Variants in MAF observed in about 807,000 individuals in gnomAD.
The protein encoded by MAF is MAF bZIP transcription factor.
In MAF, 10 loss-of-function variants were observed where a neutral mutation model predicts 22.0. The ratio of observed to expected loss-of-function variants is 0.45; its 90% CI spans 0.28 to 0.77. The LOEUF (loss-of-function observed/expected upper bound fraction) is 0.77, where lower values mean the gene tolerates loss of function less well. Among genes scored for constraint, MAF ranks in the 30% least tolerant of loss-of-function variants. The pLI is 0.12. For synonymous variants in MAF, 337 were observed against 255.8 expected (o/e 1.32, Z -3.03); for missense variants, 544 against 548.4 (o/e 0.99, Z 0.08).
At chr16:79,496,716 C>T in the MAF span, among the ~76,000 whole-genome samples, 1 of 152,162 alleles carries the variant, frequency 6.6e-6, no homozygotes, top group African/African-American at 2.4e-5. Context: ...AATGCAAGCA[C>T]ATTTAATAAA....
the MAF span, among the ~76,000 whole-genome samples, chr16:79,210,273 A>G: frequency 2.0e-5 from 3 of 152,212 alleles, no homozygotes; most frequent in Non-Finnish European, 4.4e-5. Context: ...AGTCTGCCTT[A>G]TGGCAGATTC....
At chr16:79,241,384 T>C in the MAF span, among the ~76,000 whole-genome samples, 2 of 152,024 alleles carry the variant, frequency 1.3e-5, 1 homozygote, top group Non-Finnish European at 2.9e-5. Context: ...GCATGAGAAC[T>C]TCATGAAGCA....
chr16:79,410,761 G>A, the MAF span, among the ~76,000 whole-genome samples: 4 of 152,238 alleles, frequency 2.6e-5, no homozygotes, highest in Non-Finnish European at 5.9e-5. Context: ...CCAGAGAAAG[G>A]AAAGAGCCTG....
chr16:79,306,784 C>A, the MAF span, among the ~76,000 whole-genome samples: 1 of 152,166 alleles, frequency 6.6e-6, no homozygotes, highest in Non-Finnish European at 1.5e-5. Flanking sequence ...AGTAGTGACA[C>A]TGGACTAGAG....
At chr16:79,562,992 G>T in the MAF span, among the ~76,000 whole-genome samples, 1 of 152,172 alleles carries the variant, frequency 6.6e-6, no homozygotes, top group East Asian at 1.9e-4. Flanking sequence ...TGGTCAGCAG[G>T]TTCATTTGTG....
At chr16:79,432,823 G>T in the MAF span, among the ~76,000 whole-genome samples, 1 of 152,152 alleles carries the variant, frequency 6.6e-6, no homozygotes, top group Non-Finnish European at 1.5e-5. Flanking sequence ...TATCAAAGAT[G>T]GCAGCCAACT....
the MAF span, among the ~76,000 whole-genome samples, chr16:79,553,024 T>C: frequency 2.6e-5 from 4 of 152,246 alleles, no homozygotes; most frequent in African/African-American, 9.6e-5. Flanking sequence ...AATTGGGGTC[T>C]AAATTTCCAG....
At chr16:79,580,833 G>GA in the MAF span, among the ~76,000 whole-genome samples, 1 of 151,790 alleles carries the variant, frequency 6.6e-6, no homozygotes, top group South Asian at 2.1e-4. Context: ...AAAAATAGAA[G>GA]AAAAATTTTA....
the MAF span, chr16:79,203,333 A>G: frequency 6.6e-6 from 1 of 152,188 alleles, no homozygotes; most frequent in Non-Finnish European, 1.5e-5. Context: ...GGAAATCCAC[A>G]CACCTAACTC....
chr16:79,432,644 T>C, the MAF span, among the ~76,000 whole-genome samples: 1 of 152,152 alleles, frequency 6.6e-6, no homozygotes, highest in Non-Finnish European at 1.5e-5. Context: ...AAATAGGACC[T>C]AGGATCACTT....
chr16:79,212,864 C>G, the MAF span: 1 of 152,146 alleles, frequency 6.6e-6, no homozygotes, highest in Admixed American at 6.5e-5. Flanking sequence ...TGTCCGTGGG[C>G]CAAGTTGTCT....
the MAF span, among the ~76,000 whole-genome samples, chr16:79,356,143 C>T: frequency 6.6e-6 from 1 of 151,676 alleles, no homozygotes; most frequent in South Asian, 2.1e-4. Context: ...TGCATACTCA[C>T]ACTCACAAAT....
At chr16:79,419,197 A>G in the MAF span, among the ~76,000 whole-genome samples, 6 of 152,138 alleles carry the variant, frequency 3.9e-5, no homozygotes, top group African/African-American at 1.4e-4. Flanking sequence ...GAAGTTTAAT[A>G]TCAGCATGGG....
chr16:79,536,223 G>A, the MAF span, among the ~76,000 whole-genome samples: 2 of 152,192 alleles, frequency 1.3e-5, no homozygotes, highest in Non-Finnish European at 2.9e-5. Flanking sequence ...TGAAATTTTA[G>A]AACATGGAAT....
the MAF span, among the ~76,000 whole-genome samples, chr16:79,360,139 C>G: frequency 6.6e-6 from 1 of 152,158 alleles, no homozygotes. Context: ...ATGTCTCATT[C>G]TTGTCTCCAT....
At chr16:79,379,332 G>A in the MAF span, among the ~76,000 whole-genome samples, 2 of 152,184 alleles carry the variant, frequency 1.3e-5, no homozygotes, top group East Asian at 3.8e-4. Flanking sequence ...TGCCTTGGGT[G>A]TGTCAGCCCT....
At chr16:79,338,275 G>A in the MAF span, among the ~76,000 whole-genome samples, 1 of 152,184 alleles carries the variant, frequency 6.6e-6, no homozygotes, top group African/African-American at 2.4e-5. Context: ...TGAAGGTCAG[G>A]GAGGCATTTA....
chr16:79,513,119 G>A, the MAF span, among the ~76,000 whole-genome samples: 3 of 152,222 alleles, frequency 2.0e-5, no homozygotes, highest in South Asian at 2.1e-4. Flanking sequence ...GGGTGTGCAA[G>A]CTCACACTCT....
At chr16:79,359,168 C>T in the MAF span, among the ~76,000 whole-genome samples, 1 of 152,174 alleles carries the variant, frequency 6.6e-6, no homozygotes, top group Admixed American at 6.5e-5. Context: ...CATATGCATG[C>T]CCCACAGTAG....
Sources: gnomAD v4.1 joint callset for allele counts (sites outside exome capture counted in the v4.1 genomes callset) on GRCh38, gnomAD v4.1.1 for gene constraint, MANE v1.5 for transcripts, NCBI Gene and HGNC (gene_info 2026-07-23, HGNC 2026-07-21) for gene names.